The following CKMT1A variants were observed in gnomAD, a reference collection of about 807,000 sequenced individuals.
The protein encoded by CKMT1A is creatine kinase, mitochondrial 1A, also known as creatine kinase U-type, mitochondrial.
A neutral mutation model predicts 21.8 loss-of-function variants in CKMT1A; 23 were observed. The ratio of observed to expected loss-of-function variants is 1.05; its 90% CI spans 0.76 to 1.49. The LOEUF is 1.49. CKMT1A is among the 40% of genes most tolerant of loss of function. The pLI, the probability that CKMT1A is intolerant of heterozygous loss-of-function variation, is 0.00. For synonymous variants in CKMT1A, 67 were observed against 80.4 expected, an observed-to-expected ratio of 0.83 and a Z score of 0.89; for missense variants, 154 against 229.4, an observed-to-expected ratio of 0.67 and a Z score of 2.12.
At chr15:43,697,168 T>C (rs2086459249) in intron 6 of CKMT1A, 2 of 1,131,726 alleles carry the variant, frequency 1.8e-6, no homozygotes, top group Non-Finnish European at 1.2e-6. Context: ...ATCTGTAAAA[T>C]TGGGATAATG....
In CKMT1A at chr15:43,699,195, C is replaced by T. The variant is rs2086504445; in HGVS notation, c.*106C>T. The T allele has an allele frequency of 3.2e-6, 5 of 1,573,168 alleles. No homozygotes were observed. The highest frequency in any genetic ancestry group is 1.2e-5 in the South Asian group (1 of 86,168). ...CTGCCCTCGCATCCCCTGCCTCCAT[C>T]CTAGTAAAGACTCCTTGCTATGCTG... On this transcript the variant is annotated 3_prime_UTR_variant, in exon 9 of 9. Coordinates refer to ENST00000413453, the MANE Select transcript of CKMT1A (RefSeq NM_001321926.2).
intron 6 of CKMT1A, 99 bp downstream of exon 6, chr15:43,696,462 T>A: frequency 6.3e-7 from 1 of 1,578,674 alleles, no homozygotes; most frequent in Non-Finnish European, 8.6e-7. Context: ...ACCCAAGACA[T>A]GTCTGATGGT....
chr15:43,698,694 T>C lies in CKMT1A; in HGVS notation c.1065T>C (p.Thr355=). 2 of 1,613,616 alleles carry C rather than the reference T, an allele frequency of 1.2e-6. No homozygotes were observed. The highest frequency in any genetic ancestry group is 1.7e-4 in the Middle Eastern group (1 of 6,060). Residue 355 remains threonine, a synonymous_variant, in exon 8 of 9, where the codon ACT becomes ACC. Transcript: ENST00000413453. Reference sequence around the variant, plus strand: ...ACCTAAGACTCCAAAAGCGTGGTACTGGAGGAGTGGACACTGCTGCCACAG... The same window carrying C: ...ACCTAAGACTCCAAAAGCGTGGTACCGGAGGAGTGGACACTGCTGCCACAG... ...LENLRLQKRG[T]GGVDTAATGG... is the part of the protein sequence containing the mutation.
Position 43,696,136 on chromosome 15 carries a change from C to T in CKMT1A, c.752+12C>T, listed in dbSNP as rs2086439489. 4.3e-6 allele frequency: 4 copies of T among 935,404 alleles called. No homozygotes were observed. Among genetic ancestry groups the T allele is most frequent in the South Asian group, 3.3e-5 (2 of 61,066 alleles). The allele number at this position is 935,404 out of a possible 1,614,324, so 57.9% of individuals were successfully genotyped here. ...GCTCGTGGAATTTGGTATGAAGCTG[C>T]TCATTACCTCTTTTGTCTTCATGCC... On this transcript the variant is annotated intron_variant, in intron 5 of 8. Coordinates refer to ENST00000413453, the MANE Select transcript of CKMT1A (RefSeq NM_001321926.2).
rs2086442942 is a variant in CKMT1A, at chr15:43,696,294, G to T, written c.807G>T (p.Arg269=). ...GGGTGAATGAGGAGGATCATACACG[G>T]GTGATCTCCATGGAGAAGGGTGGTA... ...LIWVNEEDHT[R]VISMEKGGNM... Residue 269 remains arginine (R), a synonymous_variant, in exon 6 of 9, where the codon CGG becomes CGT. Coordinates refer to ENST00000413453, the MANE Select transcript of CKMT1A (RefSeq NM_001321926.2). The T allele has an allele frequency of 8.7e-6, 14 of 1,601,320 alleles. No homozygotes were observed. The highest frequency in any genetic ancestry group is 1.1e-5 in the Non-Finnish European group (13 of 1,172,698).
rs1237616106 is a variant in CKMT1A at position 43,698,022 on chromosome 15, A to G, written c.885A>G (p.Arg295=). Residue 295 remains arginine (R), a synonymous_variant, in exon 7 of 9, where the codon AGA becomes AGG. Coordinates refer to ENST00000413453, the MANE Select transcript of CKMT1A (RefSeq NM_001321926.2). The part of the protein sequence containing the change: ...RFCRGLKEVE[R]LIQERGWEFM... ...AAACTTTGTGGACTCAGGTGGAGAG[A>G]CTTATCCAAGAACGTGGCTGGGAGT... 28 of 1,613,630 alleles carry G rather than the reference A, an allele frequency of 1.7e-5. 1 individual carries two copies. Among genetic ancestry groups the G allele is most frequent in the Non-Finnish European group, 2.3e-5 (27 of 1,179,790 alleles).
chr15:43,697,169 T>A (rs1390908005), intron 6 of CKMT1A: 10 of 1,134,544 alleles, frequency 8.8e-6, no homozygotes, highest in Non-Finnish European at 1.2e-5. Context: ...TCTGTAAAAT[T>A]GGGATAATGA....
chr15:43,698,215 T>A (rs1464953864), intron 7 of CKMT1A, 67 bp downstream of exon 7: 10 of 1,602,642 alleles, frequency 6.2e-6, no homozygotes, highest in Non-Finnish European at 8.5e-6. Context: ...GGGGAGGGAG[T>A]GGACCCTTTG....
intron 6 of CKMT1A, chr15:43,697,309 A>T (rs1435939601): frequency 7.9e-7 from 1 of 1,271,348 alleles, no homozygotes; most frequent in Non-Finnish European, 1.0e-6. Flanking sequence ...GTTTCCCCCC[A>T]TGTTCAGCAC....
intron 6 of CKMT1A, 149 bp downstream of exon 6, chr15:43,696,512 T>G (rs1423813817): frequency 7.9e-7 from 1 of 1,271,568 alleles, no homozygotes; most frequent in Admixed American, 2.4e-5. Flanking sequence ...ACTAAAGGTA[T>G]AAACCAGCTG....
chr15:43,697,841 G>T (rs2086472465), intron 6 of CKMT1A, 173 bp from the exon 7 acceptor site: 1 of 979,682 alleles, frequency 1.0e-6, no homozygotes, highest in African/African-American at 1.7e-5. Flanking sequence ...CATCATGCAT[G>T]CATGAAAACA....
chr15:43,697,684 C>T, intron 6 of CKMT1A: 1 of 984,910 alleles, frequency 1.0e-6, no homozygotes, highest in African/African-American at 1.7e-5. Flanking sequence ...GCATGCAGAC[C>T]TCATTGAATA....
At chr15:43,697,834 C>G in intron 6 of CKMT1A, 180 bp from the exon 7 acceptor site, 7 of 978,474 alleles carry the variant, frequency 7.2e-6, no homozygotes, top group Non-Finnish European at 8.5e-6. Flanking sequence ...AATTTTGCAT[C>G]ATGCATGCAT....
At chr15:43,697,384 A>G (rs3866940) in intron 6 of CKMT1A, 8 of 984,706 alleles carry the variant, frequency 8.1e-6, no homozygotes, top group Admixed American at 6.2e-5. Flanking sequence ...CTCATGTTGG[A>G]TAGTGGTCTT....
intron 6 of CKMT1A, chr15:43,697,533 T>G: frequency 1.0e-6 from 1 of 984,824 alleles, no homozygotes; most frequent in South Asian, 4.7e-5. Context: ...GTTTTCATCT[T>G]TCTCTGCATT....
chr15:43,698,826 C>A, intron 8 of CKMT1A, 60 bp downstream of exon 8: 1 of 1,608,310 alleles, frequency 6.2e-7, no homozygotes, highest in Non-Finnish European at 8.5e-7. Flanking sequence ...TGAAATATGG[C>A]AGTGAGTGAG....
In CKMT1A at chr15:43,698,749, C is replaced by G. The variant is rs150214356; in HGVS notation, c.1120C>G (p.Arg374Gly). ...TGTCTTTGATATTTCTAATTTGGACCGACTAGGCAAATCAGAGGTGAGATC... is the reference window on the plus strand; with the variant it reads ...TGTCTTTGATATTTCTAATTTGGACGGACTAGGCAAATCAGAGGTGAGATC... ...GGVFDISNLDRLGKSEVELVQ... is the reference protein window; with the variant it reads ...GGVFDISNLDGLGKSEVELVQ... The change falls in exon 8 of 9, where the codon CGA becomes GGA. Residue 374 changes from arginine (R) to glycine (G), a missense_variant. By Grantham distance (125) the Arg-to-Gly change is moderately radical. Coordinates refer to ENST00000413453, the MANE Select transcript of CKMT1A (RefSeq NM_001321926.2). 14 of 1,613,450 alleles carry G rather than the reference C, an allele frequency of 8.7e-6. No homozygotes were observed. The highest frequency in any genetic ancestry group is 1.2e-5 in the Non-Finnish European group (14 of 1,179,856).
intron 7 of CKMT1A, 116 bp from the exon 8 acceptor site, chr15:43,698,525 A>G (rs1257480553): frequency 1.4e-5 from 20 of 1,410,260 alleles, no homozygotes; most frequent in Middle Eastern, 2.6e-4. Context: ...AAAAAAAAAG[A>G]AAAAAGGAAA....
At position 43,698,741 on chromosome 15, in the gene CKMT1A, A is replaced by C; in HGVS notation, c.1112A>C (p.Asn371Thr). The change falls in exon 8 of 9, where the codon AAT becomes ACT. Residue 371 changes from asparagine (N) to threonine (T), a missense_variant. By Grantham distance (65) the Asn-to-Thr change is moderately conservative. Coordinates refer to ENST00000413453, the MANE Select transcript of CKMT1A (RefSeq NM_001321926.2). Reference sequence around the variant, plus strand: ...ACAGGCGGTGTCTTTGATATTTCTAATTTGGACCGACTAGGCAAATCAGAG... The same window carrying C: ...ACAGGCGGTGTCTTTGATATTTCTACTTTGGACCGACTAGGCAAATCAGAG... The part of the protein sequence containing the change: ...AATGGVFDIS[N>T]LDRLGKSEVE... 1 of 1,613,680 alleles carries C rather than the reference A, an allele frequency of 6.2e-7. No individual in the cohort carries two copies. The highest frequency in any genetic ancestry group is 8.5e-7 in the Non-Finnish European group (1 of 1,179,880).
Sources: allele counts gnomAD v4.1 joint callset, GRCh38; gene constraint gnomAD v4.1.1; transcripts MANE v1.5; gene names NCBI Gene and HGNC (gene_info 2026-07-23, HGNC 2026-07-21).